DENND2B: variants seen among roughly 807,000 people sequenced by gnomAD.
DENND2B encodes the protein DENN domain containing 2B.
DENND2B carries 32 observed loss-of-function variants against 116.0 expected under a neutral mutation model. That is an observed-to-expected ratio of 0.28 (90% CI 0.21 to 0.37). DENND2B has a LOEUF of 0.37. Among genes scored for constraint, DENND2B ranks in the 10% least tolerant of loss-of-function variants. The pLI is 1.00. For missense variants in DENND2B, 1,276 were observed against 1,477.7 expected (o/e 0.86, Z 2.24); for synonymous variants, 588 against 583.9 (o/e 1.01, Z -0.10).
intron 1 of DENND2B, among the ~76,000 whole-genome samples, chr11:8,793,038 C>G (rs981141480): frequency 3.3e-5 from 5 of 152,104 alleles, no homozygotes; most frequent in African/African-American, 1.2e-4. Flanking sequence ...TTCAATTGTC[C>G]GTCAAAAGGG....
chr11:8,693,852 C>T lies in DENND2B; in HGVS notation c.*244G>A, dbSNP rs975476537. ...CTGGCAGGACAGGAAAGCACCCGGC[C>T]CCTTGGGAATATACAAATATTTGCC... On this transcript the variant is annotated 3_prime_UTR_variant, in exon 20 of 20. Coordinates refer to ENST00000313726, the MANE Select transcript of DENND2B (RefSeq NM_213618.2). 2.3e-6 allele frequency: 1 copy of T among 431,086 alleles called. No homozygotes were observed. The highest frequency in any genetic ancestry group is 4.0e-5 in the East Asian group (1 of 24,986). The allele number at this position is 431,086 out of a possible 1,614,324, so 26.7% of individuals were successfully genotyped here.
At chr11:8,808,566 G>A (rs1453600318) in intron 1 of DENND2B, 2 of 152,158 alleles carry the variant, frequency 1.3e-5, no homozygotes, top group Non-Finnish European at 2.9e-5. Context: ...TTTTTCTCAT[G>A]TTTACTTATA....
intron 1 of DENND2B, among the ~76,000 whole-genome samples, chr11:8,799,502 C>G (rs1027530928): frequency 6.6e-6 from 1 of 151,744 alleles, no homozygotes; most frequent in Non-Finnish European, 1.5e-5. Context: ...CATTGCCAAG[C>G]TTGTCTCACA....
chr11:8,876,814 G>A (rs1465928280), intron 2 of DENND2B, among the ~76,000 whole-genome samples: 1 of 151,584 alleles, frequency 6.6e-6, no homozygotes, highest in Non-Finnish European at 1.5e-5. Context: ...CGGAGGCAGA[G>A]GTTGCAGTGA....
intron 1 of DENND2B, among the ~76,000 whole-genome samples, chr11:8,760,096 A>G (rs1242516630): frequency 1.3e-5 from 2 of 152,190 alleles, no homozygotes; most frequent in Non-Finnish European, 2.9e-5. Context: ...TATAAGCAAA[A>G]GGCACAGCCC....
intron 1 of DENND2B, among the ~76,000 whole-genome samples, chr11:8,909,563 A>G (rs2064287985): frequency 6.6e-6 from 1 of 152,226 alleles, no homozygotes; most frequent in South Asian, 2.1e-4. Context: ...TATGTTCTAA[A>G]GGAGGCACTT....
intron 3 of DENND2B, among the ~76,000 whole-genome samples, chr11:8,853,665 A>G (rs1322553953): frequency 6.6e-6 from 1 of 152,206 alleles, no homozygotes; most frequent in African/African-American, 2.4e-5. Context: ...CGTAATTGAA[A>G]AATAAGATAG....
intron 1 of DENND2B, chr11:8,809,689 T>C (rs1454582425): frequency 1.3e-5 from 2 of 152,186 alleles, no homozygotes; most frequent in African/African-American, 4.8e-5. Context: ...GTGCACAGCG[T>C]GGACACTGCG....
intron 3 of DENND2B, among the ~76,000 whole-genome samples, chr11:8,849,520 GA>G (rs2134641517): frequency 7.7e-6 from 1 of 129,066 alleles, no homozygotes; most frequent in Admixed American, 8.4e-5. Flanking sequence ...AAAACAGACA[GA>G]AAGACTGAAG....
intron 1 of DENND2B, among the ~76,000 whole-genome samples, chr11:8,889,211 G>A (rs76266398): frequency 6.6e-6 from 1 of 152,242 alleles, no homozygotes; most frequent in East Asian, 1.9e-4. Flanking sequence ...ATAAGCAAAT[G>A]TGGTATGTGC....
At chr11:8,716,264 G>A (rs1329934638) in intron 5 of DENND2B, among the ~76,000 whole-genome samples, 3 of 152,198 alleles carry the variant, frequency 2.0e-5, no homozygotes, top group Non-Finnish European at 4.4e-5. Flanking sequence ...GGGAGATCCT[G>A]CAGCCTGGCC....
At chr11:8,739,299 C>T (rs916546189) in intron 2 of DENND2B, among the ~76,000 whole-genome samples, 1 of 152,100 alleles carries the variant, frequency 6.6e-6, no homozygotes, top group Non-Finnish European at 1.5e-5. Context: ...CCACTAGGCA[C>T]GAAAGCTACA....
chr11:8,765,669 T>A (rs1438302102), intron 1 of DENND2B, among the ~76,000 whole-genome samples: 3 of 143,174 alleles, frequency 2.1e-5, no homozygotes, highest in Admixed American at 7.2e-5. Flanking sequence ...TATAAATATT[T>A]TTCCTTTCAA....
chr11:8,757,516 T>C (rs888052539), intron 1 of DENND2B, among the ~76,000 whole-genome samples: 5 of 152,166 alleles, frequency 3.3e-5, no homozygotes, highest in African/African-American at 1.2e-4. Flanking sequence ...AAGGTGACAT[T>C]TGGATTAAGC....
At chr11:8,756,359 G>A (rs1182590087) in intron 1 of DENND2B, among the ~76,000 whole-genome samples, 2 of 152,184 alleles carry the variant, frequency 1.3e-5, no homozygotes, top group East Asian at 1.9e-4. Context: ...ACATCTGGGT[G>A]GCTAAGAAGA....
At position 8,786,884 on chromosome 11, in the gene DENND2B, C is replaced by T. The variant is rs537016513; in HGVS notation, c.-26+23633G>A. ...AACAGCTGCATGCTCTCCTTTTCTT[C>T]GGTGCTGATGTTATTTCTGTTTCTA... On this transcript the variant is annotated intron_variant, in intron 1 of 19. Coordinates refer to ENST00000313726, the MANE Select transcript of DENND2B (RefSeq NM_213618.2). Among the ~76,000 whole-genome samples, 7 of 152,252 alleles carry T rather than the reference C, an allele frequency of 4.6e-5. No homozygotes were observed. In the East Asian group the frequency reaches 7.7e-4, roughly 17 times the overall value.
At chr11:8,852,576 C>T (rs1287529887) in intron 3 of DENND2B, among the ~76,000 whole-genome samples, 3 of 152,180 alleles carry the variant, frequency 2.0e-5, no homozygotes, top group Admixed American at 6.5e-5. Context: ...CATCAGGTGA[C>T]CTTCTGAGAT....
At chr11:8,859,677 T>C (rs759942416) in intron 2 of DENND2B, among the ~76,000 whole-genome samples, 1 of 152,212 alleles carries the variant, frequency 6.6e-6, no homozygotes, top group African/African-American at 2.4e-5. Context: ...TAAGGCACTA[T>C]ACTTCCTTTT....
Position 8,707,716 on chromosome 11 carries a change from G to C in DENND2B, c.2430+61C>G. 1 of 1,517,990 alleles carries C rather than the reference G, an allele frequency of 6.6e-7. No homozygotes were observed. 94.0% of individuals were successfully genotyped at this position (1,517,990 alleles called of 1,614,324 possible). On this transcript the variant is annotated intron_variant, in intron 12 of 19. Transcript: ENST00000313726. The surrounding 1 kb of genome is among the most constrained non-coding windows in gnomAD (Gnocchi z 4.8). Reference sequence around the variant, plus strand: ...GGTTTTCTCATCTAAGCTGGCTGCAGATACTCCTGTGGGAGCTGTCAGCTG... The same window carrying C: ...GGTTTTCTCATCTAAGCTGGCTGCACATACTCCTGTGGGAGCTGTCAGCTG...
Sources: allele counts gnomAD v4.1 joint callset (sites outside exome capture counted in the v4.1 genomes callset), GRCh38; gene constraint gnomAD v4.1.1; non-coding constraint Gnocchi (gnomAD v3.1); transcripts MANE v1.5; gene names NCBI Gene and HGNC (gene_info 2026-07-23, HGNC 2026-07-21).